ARSD: variants seen among roughly 807,000 people sequenced by gnomAD.
The protein encoded by ARSD is arylsulfatase D.
Under a neutral mutation model 32.6 loss-of-function variants are expected in ARSD, and 21 were observed. The ratio of observed to expected loss-of-function variants is 0.64; its 90% CI spans 0.46 to 0.93. The LOEUF is 0.93. ARSD is among the 40% of genes least tolerant of loss of function. The pLI is 0.00. For synonymous variants in ARSD, 224 were observed against 237.4 expected (o/e 0.94, Z 0.52); for missense variants, 454 against 520.9 (o/e 0.87, Z 1.25).
In ARSD at chrX:2,918,856, G is replaced by T. The variant is rs1331185875; in HGVS notation, c.440-629C>A. Among the ~76,000 whole-genome samples, 10 of 112,365 alleles carry T rather than the reference G, an allele frequency of 8.9e-5. No individual in the cohort carries two copies. In the Admixed American group the frequency reaches 9.5e-4, roughly 11 times the overall value. On this transcript the variant is annotated intron_variant, in intron 4 of 9. Transcript: ENST00000381154. ...TTCTACAGTATAAAGCACTGGCCCT[G>T]TAATCCCAGCACTCTGGGAGGCCAA...
rs767346583 is a variant in ARSD, at chrX:2,909,752, A to AT, written c.1298+64dup. On this transcript the variant is annotated intron_variant, in intron 8 of 9. Coordinates refer to ENST00000381154, the MANE Select transcript of ARSD (RefSeq NM_001669.4). ...ACCTGTTCCCCAAAATCCTATTGAAATAAAAAAAAAAAACTAAAAACAATT... is the reference window on the plus strand; with the variant it reads ...ACCTGTTCCCCAAAATCCTATTGAAATTAAAAAAAAAAAACTAAAAACAATT... The AT allele has an allele frequency of 6.6e-4, 684 of 1,037,446 alleles. 4 individuals are homozygous for AT. In the African/African-American group the frequency reaches 0.013, roughly 20 times the overall value. The allele number at this position is 1,037,446 out of a possible 1,213,427, so 85.5% of individuals were successfully genotyped here.
At chrX:2,920,397 G>A (rs1488346419) in intron 4 of ARSD, 1 of 411,614 alleles carries the variant, frequency 2.4e-6, no homozygotes, top group Admixed American at 4.3e-5. Flanking sequence ...TTGAGACAGA[G>A]TCTCGCTTTG....
intron 8 of ARSD, among the ~76,000 whole-genome samples, 166 bp from the exon 9 acceptor site, chrX:2,909,008 A>G (rs1279443581): frequency 3.6e-5 from 4 of 110,966 alleles, no homozygotes; most frequent in African/African-American, 1.3e-4. Flanking sequence ...AGCAGGATAC[A>G]TGTGGTTATT....
At chrX:2,919,799 A>G (rs368404369) in intron 4 of ARSD, among the ~76,000 whole-genome samples, 3 of 110,151 alleles carry the variant, frequency 2.7e-5, no homozygotes, top group African/African-American at 9.9e-5. Flanking sequence ...CCTAATAGAC[A>G]GCATTCCTTG....
At position 2,909,935 on chromosome X, in the gene ARSD, C is replaced by A. The variant is rs746453494; in HGVS notation, c.1180G>T (p.Gly394Trp). The A allele has an allele frequency of 8.3e-7, 1 of 1,208,388 alleles. No individual in the cohort carries two copies. The highest frequency in any genetic ancestry group is 1.8e-5 in the African/African-American group (1 of 56,729). ...GGWEGGIRVP[G>W]IFHWPGVLPA... ...AGCACCCCCGGCCAGTGGAAGATCCCGGGCACGCGGATCCCACCTTCCCAT... is the reference window on the plus strand; with the variant it reads ...AGCACCCCCGGCCAGTGGAAGATCCAGGGCACGCGGATCCCACCTTCCCAT... The change falls in exon 8 of 10, where the codon GGG becomes TGG. Residue 394 changes from glycine to tryptophan, a missense_variant. Physicochemically the swap from Gly to Trp is radical, Grantham distance 184 (BLOSUM62 -2). Coordinates refer to ENST00000381154, the MANE Select transcript of ARSD (RefSeq NM_001669.4).
chrX:2,917,996 G>C lies in ARSD; in HGVS notation c.671C>G (p.Ser224Cys), dbSNP rs211653. The part of the protein sequence containing the change: ...LAAGQTCGFF[S>C]VSARAVTGMA... ...GCCGGTGACTGCTCTCGCGGAGACA[G>C]AGAAGAAACCGCAGGTCTGGCCGGC... The change falls in exon 5 of 10, where the codon TCT becomes TGT. Residue 224 changes from serine to cysteine, a missense_variant. Ser to Cys is a moderately radical substitution (Grantham distance 112, BLOSUM62 -1). This residue lies in a region of ARSD where 271 missense variants were observed against 301.0 expected (regional missense o/e 0.90). Transcript: ENST00000381154. The C allele has an allele frequency of 0.47, 566,858 of 1,206,590 alleles. 92,059 individuals carry two copies. The highest frequency in any genetic ancestry group is 0.55 in the Admixed American group (24,840 of 45,366).
chrX:2,928,077 C>G (rs750659587), intron 1 of ARSD, among the ~76,000 whole-genome samples: 2 of 110,939 alleles, frequency 1.8e-5, no homozygotes, highest in Non-Finnish European at 1.9e-5. Context: ...GTTCAAAACG[C>G]CAAGAACCTG....
intron 6 of ARSD, among the ~76,000 whole-genome samples, chrX:2,912,205 T>C (rs1182256337): frequency 2.7e-5 from 3 of 112,032 alleles, no homozygotes; most frequent in East Asian, 5.6e-4. Context: ...CCATGTATTC[T>C]CTCTGAAGCC....
chrX:2,926,418 A>T (rs748891495), intron 1 of ARSD, among the ~76,000 whole-genome samples: 9 of 112,219 alleles, frequency 8.0e-5, no homozygotes, highest in Non-Finnish European at 1.7e-4. Flanking sequence ...TCATGCTTCA[A>T]AGGCCCAGGA....
At chrX:2,907,936 T>A (rs2088866266) in intron 9 of ARSD, 8 of 867,587 alleles carry the variant, frequency 9.2e-6, no homozygotes, top group Non-Finnish European at 1.1e-5. Context: ...TCCTTAATTC[T>A]TCCCCTTTCC....
chrX:2,908,231 T>TTATCTATCTATCTATCTATC (rs201024911), intron 9 of ARSD, among the ~76,000 whole-genome samples: 3 of 110,084 alleles, frequency 2.7e-5, no homozygotes, highest in African/African-American at 1.0e-4. Flanking sequence ...ATTCTACTTT[T>TTATCTATCTATCTATCTATC]TATCTATCTA....
In ARSD at chrX:2,918,194, C is replaced by T. The variant is rs769119418; in HGVS notation, c.473G>A (p.Arg158His). ...CAGGGGGTGGTGGCAGTGATCCCCG[C>T]GGGATGCACAATTCACACCCTGGTG... is the stretch of plus-strand genomic sequence containing the variant. ...KWHQGVNCAS[R>H]GDHCHHPLNH... The change falls in exon 5 of 10, where the codon CGC becomes CAC. Residue 158 changes from arginine to histidine, a missense_variant. Around this residue, in one of 3 missense-constraint regions of ARSD, gnomAD observed 271 missense variants for 301.0 expected, o/e 0.90. Coordinates refer to ENST00000381154, the MANE Select transcript of ARSD (RefSeq NM_001669.4). 6.0e-6 allele frequency: 7 copies of T among 1,175,323 alleles called. No individual in the cohort carries two copies. The highest frequency in any genetic ancestry group is 2.4e-5 in the Admixed American group (1 of 41,799).
At chrX:2,915,903 G>A (rs181060978) in intron 5 of ARSD, among the ~76,000 whole-genome samples, 507 of 109,362 alleles carry the variant, frequency 4.6e-3, no homozygotes, top group Middle Eastern at 9.6e-3. Flanking sequence ...AGGCTGAGGC[G>A]GGAGGATCAC....
At chrX:2,915,993 G>C (rs1377827661) in intron 5 of ARSD, among the ~76,000 whole-genome samples, 30 of 108,933 alleles carry the variant, frequency 2.8e-4, no homozygotes, top group Non-Finnish European at 4.8e-4. Flanking sequence ...TTAGCTGGGC[G>C]TGGTGGCTTG....
intron 9 of ARSD, chrX:2,907,925 TTC>T: frequency 1.1e-6 from 1 of 886,483 alleles, no homozygotes; most frequent in East Asian, 5.3e-5. Context: ...ATCATAGAGG[TTC>T]CTTAATTCTT....
intron 2 of ARSD, among the ~76,000 whole-genome samples, chrX:2,923,007 A>G (rs2089046690): frequency 9.0e-6 from 1 of 111,256 alleles, no homozygotes; most frequent in Non-Finnish European, 1.9e-5. Context: ...CTCCTGACAT[A>G]AAAGACCACA....
Position 2,904,903 on chromosome X carries a change from C to CT in ARSD, c.*2367dup, listed in dbSNP as rs57996096. ...CGTGTCCCATGCTCCATAGATGTTT[C>CT]TTTTTTTTTTTTTTTTTAATCATTT... On this transcript the variant is annotated 3_prime_UTR_variant, in exon 10 of 10. Transcript: ENST00000381154. 7,334 of 200,712 alleles carry CT rather than the reference C, an allele frequency of 0.037. No homozygotes were observed. Among genetic ancestry groups the CT allele is most frequent in the Non-Finnish European group, 0.045 (4,936 of 109,290 alleles). The allele number at this position is 200,712 out of a possible 1,213,427, so 16.5% of individuals were successfully genotyped here.
At position 2,905,795 on chromosome X, in the gene ARSD, C is replaced by A. The variant is rs1365242412; in HGVS notation, c.*1476G>T. 8.8e-6 allele frequency: 1 copy of A among 113,013 alleles called. No individual in the cohort carries two copies. The highest frequency in any genetic ancestry group is 2.8e-4 in the East Asian group (1 of 3,619). 9.3% of individuals were successfully genotyped at this position (113,013 alleles called of 1,213,427 possible). On this transcript the variant is annotated 3_prime_UTR_variant, in exon 10 of 10. Transcript: ENST00000381154. ...AACCTAATTCTGGTTTCATACAGGGCAGCCAGGTGCCCACCTAAAAGACTG... is the reference window on the plus strand; with the variant it reads ...AACCTAATTCTGGTTTCATACAGGGAAGCCAGGTGCCCACCTAAAAGACTG...
At chrX:2,916,428 A>G (rs1401877345) in intron 5 of ARSD, among the ~76,000 whole-genome samples, 2 of 108,902 alleles carry the variant, frequency 1.8e-5, no homozygotes, top group Admixed American at 9.9e-5. Flanking sequence ...AGCCTTGGAG[A>G]CAGAGGTTGC....
Sources: allele counts gnomAD v4.1 joint callset (sites outside exome capture counted in the v4.1 genomes callset), GRCh38; gene constraint gnomAD v4.1.1; regional missense constraint gnomAD v4.1.1; transcripts MANE v1.5; gene names NCBI Gene and HGNC (gene_info 2026-07-23, HGNC 2026-07-21).